The following FGF14 variants were observed in gnomAD, a reference collection of about 807,000 sequenced individuals.
FGF14 encodes the protein fibroblast growth factor 14.
FGF14 carries 5 observed loss-of-function variants against 25.5 expected under a neutral mutation model. The observed-to-expected ratio is 0.20, with a 90% CI of 0.10 to 0.41. The LOEUF (loss-of-function observed/expected upper bound fraction) is 0.41. FGF14 is among the 10% of genes least tolerant of loss of function. The pLI is 1.00. For synonymous variants in FGF14, 138 were observed against 118.3 expected, an observed-to-expected ratio of 1.17 and a Z score of -1.08; for missense variants, 222 against 320.1, an observed-to-expected ratio of 0.69 and a Z score of 2.34.
intron 1 of FGF14, among the ~76,000 whole-genome samples, chr13:102,291,206 G>A (rs372093438): frequency 1.7e-4 from 26 of 152,230 alleles, no homozygotes; most frequent in African/African-American, 5.5e-4. Flanking sequence ...TTCTACCAAC[G>A]AAATCAAACC....
intron 1 of FGF14, among the ~76,000 whole-genome samples, chr13:101,932,533 CAA>C (rs60522790): frequency 2.3e-4 from 18 of 79,018 alleles, no homozygotes; most frequent in Non-Finnish European, 3.2e-4. Flanking sequence ...GACTCCATGT[CAA>C]AAAAAAAAAA....
chr13:102,306,047 C>T (rs573738396), intron 1 of FGF14, among the ~76,000 whole-genome samples: 1 of 152,268 alleles, frequency 6.6e-6, no homozygotes, highest in African/African-American at 2.4e-5. Flanking sequence ...ATATACAACT[C>T]ATTTTGTCGG....
At chr13:101,833,632 GGTGT>G (rs2042785142) in intron 3 of FGF14, among the ~76,000 whole-genome samples, 2 of 151,934 alleles carry the variant, frequency 1.3e-5, no homozygotes, top group Admixed American at 6.6e-5. Flanking sequence ...CAGACAGATA[GGTGT>G]GTGTATACAT....
intron 1 of FGF14, among the ~76,000 whole-genome samples, chr13:102,172,461 G>T (rs1450806879): frequency 6.6e-6 from 1 of 152,072 alleles, no homozygotes; most frequent in African/African-American, 2.4e-5. Flanking sequence ...ACTTAGTCTA[G>T]TCAGTAATGT....
At chr13:102,230,265 G>A (rs1245405548) in intron 1 of FGF14, among the ~76,000 whole-genome samples, 1 of 152,170 alleles carries the variant, frequency 6.6e-6, no homozygotes, top group Non-Finnish European at 1.5e-5. Context: ...CTAGAACTGT[G>A]AGAATTAAAT....
At chr13:102,270,324 G>A (rs1020582969) in intron 1 of FGF14, among the ~76,000 whole-genome samples, 2 of 151,806 alleles carry the variant, frequency 1.3e-5, no homozygotes, top group African/African-American at 4.8e-5. Flanking sequence ...ATTTTATGCT[G>A]TATTGGAAGC....
intron 1 of FGF14, among the ~76,000 whole-genome samples, chr13:102,249,581 C>T (rs962852237): frequency 7.0e-5 from 10 of 143,320 alleles, no homozygotes; most frequent in African/African-American, 1.1e-4. Context: ...TGTGTGTACG[C>T]GCACACATGG....
chr13:102,271,305 A>G (rs970593227), intron 1 of FGF14, among the ~76,000 whole-genome samples: 2 of 152,184 alleles, frequency 1.3e-5, no homozygotes, highest in South Asian at 4.1e-4. Flanking sequence ...CCTGCAAAAT[A>G]AAACTCCATC....
intron 1 of FGF14, among the ~76,000 whole-genome samples, chr13:101,916,173 G>T (rs1387125278): frequency 6.6e-6 from 1 of 152,210 alleles, no homozygotes; most frequent in Non-Finnish European, 1.5e-5. Context: ...GACTCAGGGG[G>T]AACAGGTTTC....
At chr13:101,983,379 A>G (rs1412611592) in intron 1 of FGF14, among the ~76,000 whole-genome samples, 1 of 152,150 alleles carries the variant, frequency 6.6e-6, no homozygotes, top group Admixed American at 6.6e-5. Flanking sequence ...AATACTTCCA[A>G]CACTGTACAA....
intron 3 of FGF14, among the ~76,000 whole-genome samples, chr13:101,755,714 T>C (rs142071891): frequency 6.6e-6 from 1 of 152,188 alleles, no homozygotes; most frequent in Non-Finnish European, 1.5e-5. Flanking sequence ...CTGATTAGTC[T>C]GCAACTGGTG....
chr13:102,069,752 C>CT (rs1255858502), intron 1 of FGF14, among the ~76,000 whole-genome samples: 1 of 152,102 alleles, frequency 6.6e-6, no homozygotes, highest in Non-Finnish European at 1.5e-5. Flanking sequence ...GACGCGCCAC[C>CT]TTAAGAGCTG....
chr13:102,218,733 T>TA (rs1434795636), intron 1 of FGF14, among the ~76,000 whole-genome samples: 1 of 152,172 alleles, frequency 6.6e-6, no homozygotes, highest in African/African-American at 2.4e-5. Context: ...GGGGTGTTTT[T>TA]ATCCTCATTT....
At chr13:102,280,774 C>T (rs979960706) in intron 1 of FGF14, among the ~76,000 whole-genome samples, 2 of 152,150 alleles carry the variant, frequency 1.3e-5, no homozygotes, top group African/African-American at 4.8e-5. Flanking sequence ...CAAACAAGAT[C>T]TAGAGTTTAA....
chr13:102,281,431 C>G (rs895534085), intron 1 of FGF14, among the ~76,000 whole-genome samples: 24 of 152,106 alleles, frequency 1.6e-4, no homozygotes, highest in African/African-American at 5.3e-4. Flanking sequence ...TTTGGTCCCA[C>G]CTCATCTCCC....
intron 1 of FGF14, among the ~76,000 whole-genome samples, chr13:102,154,642 A>G (rs2047240271): frequency 6.6e-6 from 1 of 152,158 alleles, no homozygotes; most frequent in African/African-American, 2.4e-5. Context: ...CATCATAATG[A>G]CAGGATCAAA....
At position 102,401,667 on chromosome 13, in the gene FGF14, C is replaced by A. The variant is rs111373026; in HGVS notation, c.12G>T (p.Pro4=). 8 of 1,613,742 alleles carry A rather than the reference C, an allele frequency of 5.0e-6. No individual in the cohort carries two copies. In the South Asian group the frequency reaches 8.8e-5, roughly 18 times the overall value. The change falls in exon 1 of 5, where the codon CCG becomes CCT. Residue 4 remains proline (P), a synonymous_variant. Transcript: ENST00000376131. Reference sequence around the variant, plus strand: ...AATCAGTTCTCCTGAAGAGGGGCACCGGTTTTACCATAGGAAAAACGATAA... The same window carrying A: ...AATCAGTTCTCCTGAAGAGGGGCACAGGTTTTACCATAGGAAAAACGATAA...
At chr13:101,794,084 T>G (rs1194022389) in intron 3 of FGF14, among the ~76,000 whole-genome samples, 1 of 152,074 alleles carries the variant, frequency 6.6e-6, no homozygotes, top group Non-Finnish European at 1.5e-5. Flanking sequence ...CTTCTGACCA[T>G]ATTCATTCTG....
chr13:102,015,681 G>T (rs950309906), intron 1 of FGF14, among the ~76,000 whole-genome samples: 21 of 152,082 alleles, frequency 1.4e-4, no homozygotes, highest in African/African-American at 4.6e-4. Context: ...TGGGGTCAAG[G>T]CCTGGAGGAT....
Sources: gnomAD v4.1 joint callset for allele counts (sites outside exome capture counted in the v4.1 genomes callset) on GRCh38, gnomAD v4.1.1 for gene constraint, MANE v1.5 for transcripts, NCBI Gene and HGNC (gene_info 2026-07-23, HGNC 2026-07-21) for gene names.